Variants in CHST11 observed in about 807,000 individuals in gnomAD.
CHST11 encodes the protein carbohydrate sulfotransferase 11.
Under a neutral mutation model 30.4 loss-of-function variants are expected in CHST11, and 9 were observed. That is an observed-to-expected ratio of 0.30 (90% CI 0.18 to 0.52). CHST11 has a LOEUF of 0.52. CHST11 is among the 20% of genes least tolerant of loss of function. CHST11 has a pLI of 0.97. For missense variants in CHST11, 348 were observed against 460.6 expected, an observed-to-expected ratio of 0.76 and a Z score of 2.24; for synonymous variants, 152 against 187.8, an observed-to-expected ratio of 0.81 and a Z score of 1.56.
intron 2 of CHST11, among the ~76,000 whole-genome samples, chr12:104,604,378 G>A (rs1031215087): frequency 6.6e-5 from 10 of 152,164 alleles, no homozygotes; most frequent in Admixed American, 6.5e-4. Flanking sequence ...GGGAAATGTA[G>A]CTGCAGGAAA....
intron 2 of CHST11, among the ~76,000 whole-genome samples, chr12:104,722,664 C>T (rs2040187191): frequency 6.6e-6 from 1 of 152,072 alleles, no homozygotes; most frequent in Non-Finnish European, 1.5e-5. Flanking sequence ...CTGGTTCTCT[C>T]TTCCAGCCTT....
chr12:104,460,938 C>A (rs970657642), intron 1 of CHST11, among the ~76,000 whole-genome samples: 10 of 152,134 alleles, frequency 6.6e-5, no homozygotes, highest in African/African-American at 2.4e-4. Context: ...CCATTTTAAT[C>A]CCGATGTTTT....
chr12:104,554,236 G>C (rs2038433080), intron 1 of CHST11, among the ~76,000 whole-genome samples: 1 of 152,120 alleles, frequency 6.6e-6, no homozygotes, highest in Non-Finnish European at 1.5e-5. Flanking sequence ...CCAGGATTTG[G>C]GGGTTACTGG....
chr12:104,504,791 C>T (rs941855442), intron 1 of CHST11, among the ~76,000 whole-genome samples: 1 of 152,110 alleles, frequency 6.6e-6, no homozygotes, highest in Non-Finnish European at 1.5e-5. Context: ...CATAGTGAGA[C>T]ACCCATCCCC....
chr12:104,754,894 G>A (rs1296056863), intron 2 of CHST11, among the ~76,000 whole-genome samples: 1 of 152,230 alleles, frequency 6.6e-6, no homozygotes, highest in Non-Finnish European at 1.5e-5. Flanking sequence ...TTGCTGGGAA[G>A]ATTAAACATA....
chr12:104,483,595 G>A (rs1377640158), intron 1 of CHST11, among the ~76,000 whole-genome samples: 2 of 152,142 alleles, frequency 1.3e-5, no homozygotes, highest in Non-Finnish European at 2.9e-5. Context: ...GCCAATTTTG[G>A]ATAATAAGAG....
intron 2 of CHST11, among the ~76,000 whole-genome samples, chr12:104,635,714 G>A (rs570801234): frequency 6.6e-6 from 1 of 152,318 alleles, no homozygotes; most frequent in East Asian, 1.9e-4. Flanking sequence ...GTTCATCAGT[G>A]CTGGTCTCAT....
chr12:104,483,820 C>T (rs558384796), intron 1 of CHST11, among the ~76,000 whole-genome samples: 80 of 152,272 alleles, frequency 5.3e-4, no homozygotes, highest in Non-Finnish European at 1.0e-3. Flanking sequence ...CCAGGTGAGG[C>T]CTGGGGTCGG....
intron 1 of CHST11, among the ~76,000 whole-genome samples, chr12:104,517,351 C>A (rs1187989755): frequency 6.6e-6 from 1 of 152,210 alleles, no homozygotes; most frequent in African/African-American, 2.4e-5. Flanking sequence ...GAGCAGCAAG[C>A]TGTTGACAGC....
At chr12:104,597,225 T>G (rs2038914080) in intron 1 of CHST11, among the ~76,000 whole-genome samples, 1 of 152,072 alleles carries the variant, frequency 6.6e-6, no homozygotes, top group Admixed American at 6.5e-5. Flanking sequence ...TTAGCTTCAT[T>G]TATGTATCGT....
Position 104,462,746 on chromosome 12 carries a change from A to T in CHST11, c.118+5217A>T, listed in dbSNP as rs189212857. ...CTGAAGGATCTCATGTACCCCATAA[A>T]TATATACAACTACTATGTACCTATA... On this transcript the variant is annotated intron_variant, in intron 1 of 2. Coordinates refer to ENST00000303694, the MANE Select transcript of CHST11 (RefSeq NM_018413.6). Among the ~76,000 whole-genome samples the T allele has an allele frequency of 5.9e-5, 9 of 152,348 alleles. No homozygotes were observed. The East Asian group carries it at 1.7e-3, about 29-fold the overall frequency.
intron 1 of CHST11, chr12:104,514,570 G>C (rs1422868679): frequency 2.3e-6 from 1 of 425,628 alleles, no homozygotes; most frequent in East Asian, 4.9e-5. Flanking sequence ...TTGGCTCACG[G>C]TTCTGCAGGC....
intron 2 of CHST11, among the ~76,000 whole-genome samples, chr12:104,698,605 G>A (rs2039967861): frequency 6.6e-6 from 1 of 152,168 alleles, no homozygotes; most frequent in Non-Finnish European, 1.5e-5. Flanking sequence ...AAAGCATATT[G>A]GTGAATGTCT....
At chr12:104,576,381 G>A (rs1004146133) in intron 1 of CHST11, among the ~76,000 whole-genome samples, 3 of 152,306 alleles carry the variant, frequency 2.0e-5, no homozygotes, top group African/African-American at 7.2e-5. Flanking sequence ...CAGAGGGGAA[G>A]ACTGAGGTGC....
chr12:104,532,766 T>C lies in CHST11; in HGVS notation c.119-69140T>C, dbSNP rs186709335. On this transcript the variant is annotated intron_variant, in intron 1 of 2. Coordinates refer to ENST00000303694, the MANE Select transcript of CHST11 (RefSeq NM_018413.6). ...GGTTATAAGACCTAAGACTGCTCACTGTCCCAATGATCCTACAATGCTCCT... is the reference window on the plus strand; with the variant it reads ...GGTTATAAGACCTAAGACTGCTCACCGTCCCAATGATCCTACAATGCTCCT... Among the ~76,000 whole-genome samples, 11 of 152,294 alleles carry C rather than the reference T, an allele frequency of 7.2e-5. No homozygotes were observed. In the East Asian group the frequency reaches 1.9e-3, roughly 27 times the overall value.
rs2040488664 is a variant in CHST11 at position 104,757,455 on chromosome 12, C to T, written c.711C>T (p.Phe237=). The T allele has an allele frequency of 1.2e-6, 2 of 1,613,974 alleles. No homozygotes were observed. Among genetic ancestry groups the T allele is most frequent in the African/African-American group, 1.3e-5 (1 of 74,890 alleles). ...EALRKGDDVK[F]EEFVAYLIDP... The stretch of plus-strand genomic sequence containing the variant: ...TGCGCAAAGGGGACGATGTCAAATT[C>T]GAGGAGTTTGTGGCCTATCTCATCG... Residue 237 remains phenylalanine (F), a synonymous_variant, in exon 3 of 3, where the codon TTC becomes TTT. Transcript: ENST00000303694. The surrounding 1 kb of genome is among the most constrained non-coding windows in gnomAD (Gnocchi z 6.5).
chr12:104,753,104 T>C (rs2040446728), intron 2 of CHST11, among the ~76,000 whole-genome samples: 1 of 152,196 alleles, frequency 6.6e-6, no homozygotes, highest in Non-Finnish European at 1.5e-5. Context: ...GTTCTGCTTC[T>C]CTTAGAAGGA....
intron 1 of CHST11, among the ~76,000 whole-genome samples, chr12:104,575,252 G>T (rs780379489): frequency 6.6e-6 from 1 of 152,032 alleles, no homozygotes; most frequent in Non-Finnish European, 1.5e-5. Flanking sequence ...ATGATCCCAG[G>T]GTGACGGGGC....
chr12:104,635,342 C>T (rs996353211), intron 2 of CHST11, among the ~76,000 whole-genome samples: 15 of 152,226 alleles, frequency 9.9e-5, no homozygotes, highest in African/African-American at 3.6e-4. Context: ...TACTTAAAGG[C>T]CCCATCTATC....
Sources: gnomAD v4.1 joint callset for allele counts (sites outside exome capture counted in the v4.1 genomes callset) on GRCh38, gnomAD v4.1.1 for gene constraint, Gnocchi (gnomAD v3.1) non-coding constraint, MANE v1.5 for transcripts, NCBI Gene and HGNC (gene_info 2026-07-23, HGNC 2026-07-21) for gene names.